NRXN3: variants seen among roughly 807,000 people sequenced by gnomAD.
NRXN3 encodes the protein neurexin III.
In NRXN3, 32 loss-of-function variants were observed where a neutral mutation model predicts 137.6. That is an observed-to-expected ratio of 0.23 (90% confidence interval 0.18 to 0.31). The LOEUF (loss-of-function observed/expected upper bound fraction) is 0.31. Ranked by LOEUF, NRXN3 falls within the 10% of genes least tolerant of loss-of-function variation. The probability of loss-of-function intolerance (pLI) is 1.00; values close to 1 mark genes in which losing one functional copy is unlikely to be tolerated. For missense variants in NRXN3, 1,574 were observed against 2,062.5 expected (o/e 0.76, Z 4.59); for synonymous variants, 798 against 784.5 (o/e 1.02, Z -0.29).
At chr14:79,423,379 T>C (rs2095609423) in intron 15 of NRXN3, among the ~76,000 whole-genome samples, 1 of 152,204 alleles carries the variant, frequency 6.6e-6, no homozygotes, top group African/African-American at 2.4e-5. Flanking sequence ...TATCCCAACC[T>C]ATTGGGTATA....
Position 79,186,743 on chromosome 14 carries a change from C to T in NRXN3, c.3262+198602C>T, listed in dbSNP as rs72688934. 5.8e-3 allele frequency among the ~76,000 whole-genome samples: 883 copies of T among 152,194 alleles called. 10 individuals are homozygous for T. The highest frequency in any genetic ancestry group is 0.028 in the South Asian group (134 of 4,816). The stretch of plus-strand genomic sequence containing the variant: ...CTTCTGCTACACTTCCCAGCTGTCT[C>T]TTTTGGCTTTGCACATTCCTGTCTC... On this transcript the variant is annotated intron_variant, in intron 15 of 20. Coordinates refer to ENST00000335750, the MANE Select transcript of NRXN3 (RefSeq NM_001330195.2).
chr14:78,319,433 C>T (rs2079072629), intron 4 of NRXN3, among the ~76,000 whole-genome samples: 1 of 152,172 alleles, frequency 6.6e-6, no homozygotes, highest in Non-Finnish European at 1.5e-5. Flanking sequence ...CTTCATGCTC[C>T]TAAAAAGGCC....
intron 4 of NRXN3, among the ~76,000 whole-genome samples, chr14:78,641,839 T>C (rs1376609135): frequency 6.6e-6 from 1 of 152,256 alleles, no homozygotes; most frequent in Non-Finnish European, 1.5e-5. Flanking sequence ...TAAATATGCA[T>C]GTGATTTGCA....
chr14:78,363,725 T>G (rs1020041498), intron 4 of NRXN3, among the ~76,000 whole-genome samples: 2 of 152,196 alleles, frequency 1.3e-5, no homozygotes, highest in Non-Finnish European at 2.9e-5. Flanking sequence ...CTTCCATGCA[T>G]CCACTGTGAA....
intron 20 of NRXN3, among the ~76,000 whole-genome samples, chr14:79,825,962 T>C (rs2099297394): frequency 6.6e-6 from 1 of 151,968 alleles, no homozygotes; most frequent in Non-Finnish European, 1.5e-5. Flanking sequence ...ATGTGTCACA[T>C]GTACCCCAAA....
intron 4 of NRXN3, among the ~76,000 whole-genome samples, chr14:78,620,118 A>G (rs777608820): frequency 4.6e-5 from 7 of 152,196 alleles, no homozygotes; most frequent in Non-Finnish European, 1.0e-4. Flanking sequence ...GAGTTATTTT[A>G]CAGGCATAAA....
chr14:79,301,888 A>C (rs2085203522), intron 15 of NRXN3, among the ~76,000 whole-genome samples: 1 of 152,014 alleles, frequency 6.6e-6, no homozygotes. Flanking sequence ...TGAAGAGGGA[A>C]GGAGAAGAGG....
intron 10 of NRXN3, among the ~76,000 whole-genome samples, chr14:78,832,208 A>G (rs1303910917): frequency 6.6e-6 from 1 of 152,178 alleles, no homozygotes; most frequent in African/African-American, 2.4e-5. Context: ...TTCTGGTTGC[A>G]TATACTTAAA....
intron 4 of NRXN3, among the ~76,000 whole-genome samples, chr14:78,473,686 G>T (rs1207526358): frequency 6.6e-6 from 1 of 152,142 alleles, no homozygotes; most frequent in Non-Finnish European, 1.5e-5. Context: ...GGCTTATCTG[G>T]GTGGTTCTGC....
At chr14:78,507,674 C>T (rs1057097122) in intron 4 of NRXN3, among the ~76,000 whole-genome samples, 4 of 152,152 alleles carry the variant, frequency 2.6e-5, no homozygotes, top group Non-Finnish European at 2.9e-5. Flanking sequence ...TTAATCCTCT[C>T]GGACTGTAAT....
chr14:78,593,428 G>A (rs1341225419), intron 4 of NRXN3, among the ~76,000 whole-genome samples: 2 of 152,168 alleles, frequency 1.3e-5, no homozygotes, highest in Admixed American at 1.3e-4. Context: ...AAGGCCTCAG[G>A]CCCCTCTCTC....
At chr14:78,766,360 G>A (rs2098709129) in intron 8 of NRXN3, among the ~76,000 whole-genome samples, 1 of 152,168 alleles carries the variant, frequency 6.6e-6, no homozygotes, top group African/African-American at 2.4e-5. Flanking sequence ...CAGGGCATTT[G>A]CAGAAGGAAA....
At chr14:79,011,402 C>T (rs1360576470) in intron 15 of NRXN3, among the ~76,000 whole-genome samples, 1 of 132,314 alleles carries the variant, frequency 7.6e-6, no homozygotes, top group African/African-American at 3.0e-5. Flanking sequence ...CCCCCCAACC[C>T]CACCCCATAC....
chr14:79,133,953 G>GAAA (rs200338457), intron 15 of NRXN3, among the ~76,000 whole-genome samples: 1 of 28,414 alleles, frequency 3.5e-5, no homozygotes, highest in Non-Finnish European at 9.5e-5. Context: ...AAAAAAAAAG[G>GAAA]AAAGAAAAAA....
At chr14:79,748,692 TA>T (rs935976249) in intron 19 of NRXN3, among the ~76,000 whole-genome samples, 1 of 152,096 alleles carries the variant, frequency 6.6e-6, no homozygotes, top group Non-Finnish European at 1.5e-5. Context: ...TACTCATTTT[TA>T]AAAAAATTTC....
At chr14:79,598,675 G>A (rs1194996411) in intron 16 of NRXN3, among the ~76,000 whole-genome samples, 1 of 152,168 alleles carries the variant, frequency 6.6e-6, no homozygotes, top group Non-Finnish European at 1.5e-5. Flanking sequence ...CTATTTCTTA[G>A]CACCAGCAAG....
chr14:78,640,559 T>C (rs1566952437), intron 4 of NRXN3, among the ~76,000 whole-genome samples: 1 of 152,232 alleles, frequency 6.6e-6, no homozygotes, highest in African/African-American at 2.4e-5. Context: ...AGAGTGATTA[T>C]TATATAAATT....
chr14:79,058,667 G>C (rs1469377624), intron 15 of NRXN3, among the ~76,000 whole-genome samples: 3 of 152,102 alleles, frequency 2.0e-5, no homozygotes, highest in African/African-American at 7.2e-5. Context: ...TTAACTCTGT[G>C]TCCCCACCCA....
At chr14:78,787,860 T>C (rs749196496) in intron 8 of NRXN3, among the ~76,000 whole-genome samples, 4 of 152,204 alleles carry the variant, frequency 2.6e-5, no homozygotes, top group Non-Finnish European at 5.9e-5. Context: ...CTACCATGAT[T>C]GTGAAAGTAG....
Sources: allele counts gnomAD v4.1 joint callset (sites outside exome capture counted in the v4.1 genomes callset), GRCh38; gene constraint gnomAD v4.1.1; transcripts MANE v1.5; gene names NCBI Gene and HGNC (gene_info 2026-07-23, HGNC 2026-07-21).